ASXL2: variants seen among roughly 807,000 people sequenced by gnomAD.
The protein encoded by ASXL2 is putative Polycomb group protein ASXL2.
A neutral mutation model predicts 122.0 loss-of-function variants in ASXL2; 23 were observed. The observed-to-expected ratio is 0.19, with a 90% CI of 0.14 to 0.27. The LOEUF is 0.27. Ranked by LOEUF, ASXL2 falls within the 10% of genes least tolerant of loss-of-function variation. ASXL2 has a pLI of 1.00. For missense variants in ASXL2, 1,518 were observed against 1,713.8 expected (o/e 0.89, Z 2.02); for synonymous variants, 650 against 637.0 (o/e 1.02, Z -0.31).
At chr2:25,826,229 G>A (rs955181577) in intron 3 of ASXL2, among the ~76,000 whole-genome samples, 2 of 151,880 alleles carry the variant, frequency 1.3e-5, no homozygotes, top group Admixed American at 6.6e-5. Context: ...AACTGATTTT[G>A]CAACAAATTA....
Position 25,743,934 on chromosome 2 carries a change from C to A in ASXL2, c.2403G>T (p.Leu801Phe), listed in dbSNP as rs368046909. 7.4e-6 allele frequency: 12 copies of A among 1,613,848 alleles called. No individual in the cohort carries two copies. Among genetic ancestry groups the A allele is most frequent in the African/African-American group, 1.3e-5 (1 of 74,898 alleles). ...TGGTGGGGTTCAGTTTTTCATTATCCAATTTCTCTATGTGGGCTGGTGATG... is the reference window on the plus strand; with the variant it reads ...TGGTGGGGTTCAGTTTTTCATTATCAAATTTCTCTATGTGGGCTGGTGATG... ...SVPSPAHIEKLDNEKLNPTRA... is the reference protein window; with the variant it reads ...SVPSPAHIEKFDNEKLNPTRA... Residue 801 changes from leucine to phenylalanine, a missense_variant, in exon 13 of 13, where the codon TTG (leucine) becomes TTT (phenylalanine). Around this residue, in one of 8 missense-constraint regions of ASXL2, gnomAD observed 831 missense variants for 833.1 expected, o/e 1.00. Coordinates refer to ENST00000435504, the MANE Select transcript of ASXL2 (RefSeq NM_018263.6).
At chr2:25,803,474 C>A (rs563690249) in intron 4 of ASXL2, among the ~76,000 whole-genome samples, 3 of 152,276 alleles carry the variant, frequency 2.0e-5, no homozygotes, top group South Asian at 4.1e-4. Context: ...TGGGAGGGTA[C>A]TGAGCCCTCA....
intron 1 of ASXL2, among the ~76,000 whole-genome samples, chr2:25,876,093 T>G (rs1468011567): frequency 6.6e-6 from 1 of 152,112 alleles, no homozygotes; most frequent in Non-Finnish European, 1.5e-5. Flanking sequence ...TAGAAAAACT[T>G]TAGTGTCATC....
chr2:25,762,589 TG>T (rs1249082056), intron 8 of ASXL2, among the ~76,000 whole-genome samples: 2 of 137,184 alleles, frequency 1.5e-5, no homozygotes, highest in Non-Finnish European at 3.0e-5. Flanking sequence ...CACTTGAACC[TG>T]GGAGGCAGAG....
Position 25,766,102 on chromosome 2 carries a change from C to T in ASXL2, c.775+1481G>A, listed in dbSNP as rs1312421667. Reference sequence around the variant, plus strand: ...ATAAATTTCCCTCAGAATGTGTCAGCACTGCTGCACTTTTAGTTTCCATGT... The same window carrying T: ...ATAAATTTCCCTCAGAATGTGTCAGTACTGCTGCACTTTTAGTTTCCATGT... On this transcript the variant is annotated intron_variant, in intron 8 of 12. Coordinates refer to ENST00000435504, the MANE Select transcript of ASXL2 (RefSeq NM_018263.6). Among the ~76,000 whole-genome samples, 4 of 152,266 alleles carry T rather than the reference C, an allele frequency of 2.6e-5. No homozygotes were observed. The East Asian group carries it at 7.7e-4, about 29-fold the overall frequency.
intron 1 of ASXL2, among the ~76,000 whole-genome samples, chr2:25,848,284 T>A (rs2089672164): frequency 6.6e-6 from 1 of 152,210 alleles, no homozygotes; most frequent in Admixed American, 6.5e-5. Flanking sequence ...TAAGTTATTT[T>A]AATATTTTAA....
chr2:25,756,476 G>GAAAAAAAAAA (rs796246064), intron 9 of ASXL2, among the ~76,000 whole-genome samples: 1 of 104,380 alleles, frequency 9.6e-6, no homozygotes, highest in Non-Finnish European at 2.1e-5. Context: ...AAAAAAAAAA[G>GAAAAAAAAAA]AAAAAAAAAA....
chr2:25,867,531 A>G (rs1411662441), intron 1 of ASXL2, among the ~76,000 whole-genome samples: 5 of 152,208 alleles, frequency 3.3e-5, no homozygotes, highest in Non-Finnish European at 5.9e-5. Context: ...AAAATGTGAA[A>G]GACGACAAAA....
intron 4 of ASXL2, among the ~76,000 whole-genome samples, chr2:25,804,245 T>C (rs781333981): frequency 6.6e-6 from 1 of 152,184 alleles, no homozygotes; most frequent in Admixed American, 6.5e-5. Flanking sequence ...GTAACACATA[T>C]ATGCATGGAC....
intron 5 of ASXL2, among the ~76,000 whole-genome samples, chr2:25,782,709 C>A (rs1161047309): frequency 3.3e-5 from 5 of 152,192 alleles, no homozygotes; most frequent in African/African-American, 1.2e-4. Flanking sequence ...GAGAAATCCA[C>A]CAATTCTCAA....
intron 3 of ASXL2, among the ~76,000 whole-genome samples, chr2:25,815,371 T>G (rs530142698): frequency 6.6e-6 from 1 of 152,170 alleles, no homozygotes; most frequent in South Asian, 2.1e-4. Flanking sequence ...CCAACACTTC[T>G]GCTTGCAATG....
At chr2:25,749,444 A>T (rs1399810332) in intron 12 of ASXL2, among the ~76,000 whole-genome samples, 1 of 152,230 alleles carries the variant, frequency 6.6e-6, no homozygotes, top group Non-Finnish European at 1.5e-5. Context: ...AGTAGTGAGC[A>T]CAGGGGTGGT....
chr2:25,742,181 C>T lies in ASXL2; in HGVS notation c.4156G>A (p.Ala1386Thr). Residue 1386 changes from alanine to threonine, a missense_variant, in exon 13 of 13, where the codon GCG becomes ACG. Coordinates refer to ENST00000435504, the MANE Select transcript of ASXL2 (RefSeq NM_018263.6). ...SSHGQTIPVQAFSEENSIEGT... is the reference protein window; with the variant it reads ...SSHGQTIPVQTFSEENSIEGT... Reference sequence around the variant, plus strand: ...TCTATGCTGTTCTCTTCGGAGAACGCCTGAACAGGAATGGTCTGGCCATGG... The same window carrying T: ...TCTATGCTGTTCTCTTCGGAGAACGTCTGAACAGGAATGGTCTGGCCATGG... 1 of 1,614,000 alleles carries T rather than the reference C, an allele frequency of 6.2e-7. No individual in the cohort carries two copies. Among genetic ancestry groups the T allele is most frequent in the Non-Finnish European group, 8.5e-7 (1 of 1,179,900 alleles).
intron 3 of ASXL2, among the ~76,000 whole-genome samples, chr2:25,820,564 TACAGAG>T (rs1342918056): frequency 1.3e-5 from 2 of 152,150 alleles, no homozygotes; most frequent in Non-Finnish European, 2.9e-5. Context: ...TGGCCAAACT[TACAGAG>T]ACAGAAAGTA....
At chr2:25,806,399 C>G in intron 3 of ASXL2, 62 bp from the exon 4 acceptor site, 1 of 1,063,918 alleles carries the variant, frequency 9.4e-7, no homozygotes. Context: ...TCTGAATATC[C>G]TATGTAACAC....
intron 10 of ASXL2, among the ~76,000 whole-genome samples, chr2:25,754,879 G>A (rs2088107517): frequency 6.6e-6 from 1 of 151,538 alleles, no homozygotes; most frequent in Admixed American, 6.6e-5. Context: ...GAAAGAGAAA[G>A]GACAAAGTAA....
intron 5 of ASXL2, among the ~76,000 whole-genome samples, chr2:25,774,234 T>C (rs963667457): frequency 6.6e-5 from 10 of 151,902 alleles, no homozygotes; most frequent in Admixed American, 5.2e-4. Context: ...ACAAACAACC[T>C]GCACATGTAC....
intron 3 of ASXL2, among the ~76,000 whole-genome samples, chr2:25,816,483 C>CA (rs1260178119): frequency 2.6e-5 from 4 of 152,136 alleles, no homozygotes; most frequent in Non-Finnish European, 5.9e-5. Flanking sequence ...ATGACGGAAG[C>CA]AGAGGCTAAA....
intron 5 of ASXL2, among the ~76,000 whole-genome samples, chr2:25,778,142 T>C (rs1350147290): frequency 6.6e-6 from 1 of 152,200 alleles, no homozygotes; most frequent in East Asian, 1.9e-4. Context: ...TATGTCCACA[T>C]TGTAAGCTCC....
Sources: allele counts gnomAD v4.1 joint callset (sites outside exome capture counted in the v4.1 genomes callset), GRCh38; gene constraint gnomAD v4.1.1; regional missense constraint gnomAD v4.1.1; transcripts MANE v1.5; gene names NCBI Gene and HGNC (gene_info 2026-07-23, HGNC 2026-07-21).